KIF2A: variants seen among roughly 807,000 people sequenced by gnomAD.
KIF2A encodes kinesin family member 2A.
KIF2A carries 22 observed loss-of-function variants against 100.2 expected under a neutral mutation model. The ratio of observed to expected loss-of-function variants is 0.22; its 90% CI spans 0.16 to 0.31. The LOEUF (loss-of-function observed/expected upper bound fraction) is 0.31. Ranked by LOEUF, KIF2A falls within the 10% of genes least tolerant of loss-of-function variation. KIF2A has a pLI of 1.00. For synonymous variants in KIF2A, 268 were observed against 285.9 expected (o/e 0.94, Z 0.63); for missense variants, 495 against 898.7 (o/e 0.55, Z 5.74).
chr5:62,382,207 TAAA>T (rs1361366469), intron 20 of KIF2A, among the ~76,000 whole-genome samples: 1 of 152,194 alleles, frequency 6.6e-6, no homozygotes, highest in Non-Finnish European at 1.5e-5. Flanking sequence ...ATTTTTCTTT[TAAA>T]TTTATTCATT....
intron 20 of KIF2A, 82 bp downstream of exon 20, chr5:62,381,335 G>A: frequency 8.9e-7 from 1 of 1,123,884 alleles, no homozygotes; most frequent in Non-Finnish European, 1.3e-6. Flanking sequence ...CGTATTGCAA[G>A]AGGACATACG....
chr5:62,369,819 T>C (rs1041269665), intron 16 of KIF2A, among the ~76,000 whole-genome samples: 1 of 152,224 alleles, frequency 6.6e-6, no homozygotes, highest in Non-Finnish European at 1.5e-5. Flanking sequence ...CTGTCTTAAG[T>C]GTTTAAACTT....
intron 1 of KIF2A, among the ~76,000 whole-genome samples, chr5:62,321,965 G>A (rs1196144745): frequency 6.6e-6 from 1 of 152,068 alleles, no homozygotes; most frequent in Non-Finnish European, 1.5e-5. Context: ...CTGTCACCCA[G>A]GCTGGAATGC....
chr5:62,358,677 A>G (rs977237026), intron 9 of KIF2A, among the ~76,000 whole-genome samples: 1 of 152,156 alleles, frequency 6.6e-6, no homozygotes, highest in Non-Finnish European at 1.5e-5. Flanking sequence ...AAGAAACTTG[A>G]AATGTTTGTT....
In KIF2A at chr5:62,354,903, G is replaced by A. The variant is rs80225517; in HGVS notation, c.559-256G>A. The stretch of plus-strand genomic sequence containing the variant: ...GAAATAGGTGAAGGGTAACTTCAAT[G>A]AAGAGTCCTTAATTTGGAGTTAACA... On this transcript the variant is annotated intron_variant, in intron 6 of 20. Transcript: ENST00000407818. Among the ~76,000 whole-genome samples, 28 of 152,214 alleles carry A rather than the reference G, an allele frequency of 1.8e-4. No homozygotes were observed. In the East Asian group the frequency reaches 3.9e-3, roughly 21 times the overall value.
chr5:62,349,939 T>G, intron 3 of KIF2A, 127 bp from the exon 4 acceptor site: 1 of 610,558 alleles, frequency 1.6e-6, no homozygotes, highest in South Asian at 1.9e-5. Context: ...AAGATTATAG[T>G]TTTTCTTCAT....
intron 1 of KIF2A, chr5:62,307,017 T>A (rs1227701902): frequency 6.6e-6 from 1 of 151,374 alleles, no homozygotes; most frequent in Non-Finnish European, 1.5e-5. Flanking sequence ...AACCGACTGC[T>A]GGTCGGAGGC....
At chr5:62,362,325 A>G in intron 11 of KIF2A, 125 bp from the exon 12 acceptor site, 1 of 394,408 alleles carries the variant, frequency 2.5e-6, no homozygotes, top group Admixed American at 4.6e-5. Flanking sequence ...TCACTTTCTC[A>G]TTTTTATTAT....
chr5:62,316,832 T>C (rs1300055807), intron 1 of KIF2A, among the ~76,000 whole-genome samples: 2 of 152,172 alleles, frequency 1.3e-5, no homozygotes, highest in African/African-American at 2.4e-5. Flanking sequence ...ATGCAAACTT[T>C]AGGTGTTAAA....
intron 1 of KIF2A, among the ~76,000 whole-genome samples, chr5:62,332,063 T>C (rs756816913): frequency 6.6e-6 from 1 of 152,212 alleles, no homozygotes; most frequent in Non-Finnish European, 1.5e-5. Flanking sequence ...GCCAGCCTAA[T>C]TGGTTGCTGG....
intron 15 of KIF2A, among the ~76,000 whole-genome samples, chr5:62,366,048 GT>G (rs1256315347): frequency 6.6e-6 from 1 of 151,960 alleles, no homozygotes; most frequent in Non-Finnish European, 1.5e-5. Flanking sequence ...GAGACTGCAA[GT>G]TTTCAGTCAA....
chr5:62,308,393 T>G (rs1277550381), intron 1 of KIF2A: 3 of 1,412,798 alleles, frequency 2.1e-6, no homozygotes, highest in Non-Finnish European at 1.9e-6. Context: ...CACCTGTCCC[T>G]GGTATACACC....
In KIF2A at chr5:62,388,291, A is replaced by G. The variant is rs1057233288; in HGVS notation, c.*2722A>G. 6.6e-6 allele frequency: 1 copy of G among 152,218 alleles called. No individual in the cohort carries two copies. Among genetic ancestry groups the G allele is most frequent in the Non-Finnish European group, 1.5e-5 (1 of 68,042 alleles). 9.4% of individuals were successfully genotyped at this position (152,218 alleles called of 1,614,324 possible). ...CTAAGCCTATAGTTATCTCCCTAAG[A>G]ACCATAAAAAAAGATAATTTTATTG... On this transcript the variant is annotated 3_prime_UTR_variant, in exon 21 of 21. Coordinates refer to ENST00000407818, the MANE Select transcript of KIF2A (RefSeq NM_001098511.3).
chr5:62,358,064 C>T, intron 8 of KIF2A, 73 bp from the exon 9 acceptor site: 1 of 1,164,550 alleles, frequency 8.6e-7, no homozygotes, highest in Non-Finnish European at 1.2e-6. Flanking sequence ...GTTCTTACTA[C>T]TTAAAATAAT....
At chr5:62,357,086 CTTT>C (rs948979287) in intron 7 of KIF2A, among the ~76,000 whole-genome samples, 1 of 136,108 alleles carries the variant, frequency 7.3e-6, no homozygotes, top group Non-Finnish European at 1.6e-5. Context: ...ATCACAACTT[CTTT>C]TTTTTTTTGG....
intron 1 of KIF2A, among the ~76,000 whole-genome samples, chr5:62,328,120 A>T (rs1663347991): frequency 6.6e-6 from 1 of 152,208 alleles, no homozygotes; most frequent in Non-Finnish European, 1.5e-5. Context: ...TAACAACACC[A>T]CTGTAAAAGT....
chr5:62,345,349 C>T (rs866646652), intron 1 of KIF2A, among the ~76,000 whole-genome samples: 9 of 151,100 alleles, frequency 6.0e-5, no homozygotes, highest in Non-Finnish European at 1.2e-4. Flanking sequence ...GATTGCTCCA[C>T]TGCACTCCAG....
intron 1 of KIF2A, among the ~76,000 whole-genome samples, chr5:62,323,555 A>C (rs2111818167): frequency 6.6e-6 from 1 of 152,026 alleles, no homozygotes; most frequent in East Asian, 1.9e-4. Context: ...AATGTTAAAA[A>C]CACATAAAAT....
At chr5:62,348,253 C>G in intron 3 of KIF2A, 86 bp downstream of exon 3, 3 of 1,414,384 alleles carry the variant, frequency 2.1e-6, no homozygotes, top group Non-Finnish European at 2.9e-6. Flanking sequence ...AATTGGTAGG[C>G]TTTGAAGAGT....
Sources: gnomAD v4.1 joint callset for allele counts (sites outside exome capture counted in the v4.1 genomes callset) on GRCh38, gnomAD v4.1.1 for gene constraint, MANE v1.5 for transcripts, NCBI Gene and HGNC (gene_info 2026-07-23, HGNC 2026-07-21) for gene names.